The following SCML2 variants were observed in gnomAD, a reference collection of about 807,000 sequenced individuals.
SCML2 encodes the protein sex comb on midleg-like protein 2.
SCML2 carries 6 observed loss-of-function variants against 48.4 expected under a neutral mutation model. The ratio of observed to expected loss-of-function variants is 0.12; its 90% CI spans 0.07 to 0.24. SCML2 has a LOEUF of 0.24. Ranked by LOEUF, SCML2 falls within the 10% of genes least tolerant of loss-of-function variation. The probability of loss-of-function intolerance (pLI) is 1.00; values close to 1 mark genes in which losing one functional copy is unlikely to be tolerated. For synonymous variants in SCML2, 181 were observed against 189.5 expected, an observed-to-expected ratio of 0.95 and a Z score of 0.37; for missense variants, 377 against 528.2, an observed-to-expected ratio of 0.71 and a Z score of 2.81.
chrX:18,271,451 T>G (rs958689358), intron 7 of SCML2, among the ~76,000 whole-genome samples: 7 of 109,600 alleles, frequency 6.4e-5, no homozygotes, highest in Non-Finnish European at 1.1e-4. Flanking sequence ...GTGTGTGTGT[T>G]TTTTTTTAAT....
At chrX:18,316,453 T>C (rs994392510) in intron 6 of SCML2, among the ~76,000 whole-genome samples, 5 of 111,557 alleles carry the variant, frequency 4.5e-5, no homozygotes, top group African/African-American at 1.6e-4. Flanking sequence ...CAAAAGGCCA[T>C]TAAACAAATC....
chrX:18,270,681 T>C (rs1927424933), intron 7 of SCML2, among the ~76,000 whole-genome samples: 1 of 111,226 alleles, frequency 9.0e-6, no homozygotes, highest in Admixed American at 9.6e-5. Flanking sequence ...AACATACATA[T>C]AGATATACAT....
chrX:18,307,546 C>T (rs1003150777), intron 6 of SCML2, among the ~76,000 whole-genome samples: 1 of 111,825 alleles, frequency 8.9e-6, no homozygotes, highest in African/African-American at 3.2e-5. Flanking sequence ...GATCCCAGGA[C>T]CTTACACTGT....
chrX:18,251,575 A>T (rs1926668158), intron 11 of SCML2, among the ~76,000 whole-genome samples: 1 of 111,908 alleles, frequency 8.9e-6, no homozygotes. Flanking sequence ...TGCAAATCAC[A>T]CCATAATGAG....
chrX:18,296,290 G>C (rs1307463329), intron 7 of SCML2, among the ~76,000 whole-genome samples: 1 of 109,196 alleles, frequency 9.2e-6, no homozygotes, highest in African/African-American at 3.3e-5. Context: ...AGAAACCCTA[G>C]AAATGAAGAA....
intron 11 of SCML2, among the ~76,000 whole-genome samples, chrX:18,249,063 T>C (rs1926553246): frequency 8.9e-6 from 1 of 111,797 alleles, no homozygotes; most frequent in Admixed American, 9.6e-5. Context: ...AAAGTATTTT[T>C]TAAATCATCA....
intron 13 of SCML2, 90 bp from the exon 14 acceptor site, chrX:18,242,680 C>G: frequency 2.1e-6 from 2 of 971,281 alleles, no homozygotes; most frequent in South Asian, 2.3e-5. Flanking sequence ...TGGTCTCATT[C>G]CTGGAACCTT....
At chrX:18,352,908 C>T (rs1025171851) in intron 1 of SCML2, among the ~76,000 whole-genome samples, 2 of 111,688 alleles carry the variant, frequency 1.8e-5, no homozygotes, top group African/African-American at 6.5e-5. Context: ...AAGTATACAT[C>T]CTTAAGAAGT....
chrX:18,292,343 A>G (rs1433280312), intron 7 of SCML2, among the ~76,000 whole-genome samples: 1 of 111,773 alleles, frequency 8.9e-6, no homozygotes, highest in African/African-American at 3.2e-5. Flanking sequence ...AGACATATAC[A>G]TAAAAGTATT....
intron 1 of SCML2, among the ~76,000 whole-genome samples, chrX:18,335,023 G>A (rs923726498): frequency 2.7e-5 from 3 of 110,980 alleles, no homozygotes; most frequent in Non-Finnish European, 5.7e-5. Flanking sequence ...ATCAGCCTGG[G>A]ACACTCAGCA....
intron 6 of SCML2, among the ~76,000 whole-genome samples, chrX:18,318,105 G>A (rs1929191513): frequency 8.9e-6 from 1 of 112,385 alleles, no homozygotes; most frequent in Non-Finnish European, 1.9e-5. Context: ...TAAAGCCACA[G>A]CCCAAGCTAA....
chrX:18,328,056 T>C (rs900974398), intron 3 of SCML2, among the ~76,000 whole-genome samples: 3 of 111,853 alleles, frequency 2.7e-5, no homozygotes, highest in East Asian at 2.8e-4. Context: ...TTTATATATA[T>C]ATCTCCTTGT....
At chrX:18,299,329 C>T (rs924138985) in intron 7 of SCML2, among the ~76,000 whole-genome samples, 2 of 109,575 alleles carry the variant, frequency 1.8e-5, no homozygotes, top group Non-Finnish European at 1.9e-5. Flanking sequence ...CTGGCTAATA[C>T]GGTGAAATCC....
intron 7 of SCML2, among the ~76,000 whole-genome samples, chrX:18,269,455 C>A (rs1050475097): frequency 4.5e-5 from 5 of 112,058 alleles, no homozygotes; most frequent in African/African-American, 1.3e-4. Flanking sequence ...TTTCCTGAGG[C>A]CTCTCCAGCC....
At chrX:18,330,728 T>C (rs991394661) in intron 2 of SCML2, 73 bp from the exon 3 acceptor site, 8 of 594,697 alleles carry the variant, frequency 1.3e-5, no homozygotes, top group Admixed American at 4.1e-5. Flanking sequence ...AAAATATAAA[T>C]TAAAAAACTT....
chrX:18,266,857 T>C (rs933423158), intron 7 of SCML2, among the ~76,000 whole-genome samples: 2 of 112,089 alleles, frequency 1.8e-5, no homozygotes, highest in East Asian at 2.8e-4. Flanking sequence ...TATCCTGAGC[T>C]GCCAGGGCAA....
At chrX:18,298,369 C>G (rs996211703) in intron 7 of SCML2, among the ~76,000 whole-genome samples, 1 of 111,787 alleles carries the variant, frequency 8.9e-6, no homozygotes, top group Non-Finnish European at 1.9e-5. Context: ...AAATACATTG[C>G]AAGGCTATAG....
At chrX:18,276,602 G>A (rs1222126270) in intron 7 of SCML2, among the ~76,000 whole-genome samples, 1 of 112,149 alleles carries the variant, frequency 8.9e-6, no homozygotes, top group Non-Finnish European at 1.9e-5. Flanking sequence ...ACGGAGAAAT[G>A]GATAAGCAAA....
intron 1 of SCML2, among the ~76,000 whole-genome samples, chrX:18,336,577 A>T (rs2147557632): frequency 9.2e-6 from 1 of 109,128 alleles, no homozygotes; most frequent in East Asian, 2.9e-4. Flanking sequence ...TCTACTAAAA[A>T]ATACAAAAAA....
Sources: allele counts gnomAD v4.1 joint callset (sites outside exome capture counted in the v4.1 genomes callset), GRCh38; gene constraint gnomAD v4.1.1; transcripts MANE v1.5; gene names NCBI Gene and HGNC (gene_info 2026-07-23, HGNC 2026-07-21).